Variants in ATG16L2 observed in about 807,000 individuals in gnomAD.
ATG16L2 encodes protein Atg16l2.
A neutral mutation model predicts 84.7 loss-of-function variants in ATG16L2; 77 were observed. The ratio of observed to expected loss-of-function variants is 0.91; its 90% CI spans 0.76 to 1.10. The LOEUF (loss-of-function observed/expected upper bound fraction) is 1.10. Among genes scored for constraint, ATG16L2 ranks in the 50% least tolerant of loss-of-function variants. The pLI, the probability that ATG16L2 is intolerant of heterozygous loss-of-function variation, is 0.00. For synonymous variants in ATG16L2, 361 were observed against 342.8 expected, an observed-to-expected ratio of 1.05 and a Z score of -0.59; for missense variants, 782 against 817.6, an observed-to-expected ratio of 0.96 and a Z score of 0.53.
rs1860348432 is a variant in ATG16L2, at chr11:72,826,298, G to A, written c.1173+55G>A. 4 of 1,568,812 alleles carry A rather than the reference G, an allele frequency of 2.5e-6. No individual in the cohort carries two copies. In the East Asian group the frequency reaches 6.8e-5, roughly 27 times the overall value. On this transcript the variant is annotated intron_variant, in intron 11 of 17. Coordinates refer to ENST00000321297, the MANE Select transcript of ATG16L2 (RefSeq NM_033388.2). ...TTGTGCCCTCTCTGATCTCCACACT[G>A]GGCAGGTGGGGGCTGTGGGACCTGA...
downstream of ATG16L2, among the ~76,000 whole-genome samples, chr11:72,832,025 A>G (rs1860617583): frequency 6.6e-6 from 1 of 152,120 alleles, no homozygotes; most frequent in South Asian, 2.1e-4. Context: ...CTCCCTCCCT[A>G]CATCTTCACC....
intron 5 of ATG16L2, chr11:72,842,491 A>G: frequency 9.3e-7 from 1 of 1,076,592 alleles, no homozygotes; most frequent in Non-Finnish European, 1.3e-6. Context: ...GCAGTTGTGC[A>G]GACACTGGCA....
At position 72,825,465 on chromosome 11, in the gene ATG16L2, C is replaced by T. The variant is rs1200227181; in HGVS notation, c.1102+58C>T. On this transcript the variant is annotated intron_variant, in intron 10 of 17. Coordinates refer to ENST00000321297, the MANE Select transcript of ATG16L2 (RefSeq NM_033388.2). ...GCTTCTCTCCAGACCCTCTCCTCAG[C>T]TCACTCCTTGGTGGGCAGAGGTCTT... 6 of 1,350,514 alleles carry T rather than the reference C, an allele frequency of 4.4e-6. No homozygotes were observed. The East Asian group carries it at 9.2e-5, about 21-fold the overall frequency. 83.7% of individuals were successfully genotyped at this position (1,350,514 alleles called of 1,614,324 possible). A position where few individuals can be genotyped will look rare whatever the true frequency, so the allele number is the denominator to read the frequency against.
downstream of ATG16L2, among the ~76,000 whole-genome samples, chr11:72,833,668 C>T (rs1049730354): frequency 2.6e-4 from 39 of 152,258 alleles, no homozygotes; most frequent in Middle Eastern, 6.8e-3. Flanking sequence ...TGCCTGTAAT[C>T]CCAGCACTTT....
intron 9 of ATG16L2, 114 bp downstream of exon 9, chr11:72,824,956 T>A: frequency 1.2e-6 from 1 of 847,722 alleles, no homozygotes; most frequent in Non-Finnish European, 1.8e-6. Flanking sequence ...GCTGGGCTCC[T>A]CAGCAGGAGC....
rs1455261886 is a variant in ATG16L2, at chr11:72,822,053, C to T, written c.402C>T (p.Ala134=). 1.3e-6 allele frequency: 2 copies of T among 1,508,422 alleles called. No individual in the cohort carries two copies. The highest frequency in any genetic ancestry group is 1.7e-6 in the Non-Finnish European group (2 of 1,145,012). 93.4% of individuals were successfully genotyped at this position (1,508,422 alleles called of 1,614,324 possible). A position where few individuals can be genotyped will look rare whatever the true frequency, so the allele number is the denominator to read the frequency against. The change falls in exon 5 of 18, where the codon GCC becomes GCT. Residue 134 remains alanine, a synonymous_variant. Coordinates refer to ENST00000321297, the MANE Select transcript of ATG16L2 (RefSeq NM_033388.2). The surrounding 1 kb of genome is among the most constrained non-coding windows in gnomAD (Gnocchi z 4.2). ...ELQQRQSRLA[A]LEARVAQLRE... is the part of the protein sequence containing the mutation. ...TCTTTCCGTCCTCCAGGCTGGCAGC[C>T]CTGGAGGCCCGCGTGGCGCAGCTGC...
chr11:72,826,361 C>CTCTT (rs1387017169), intron 11 of ATG16L2, 118 bp downstream of exon 11: 1 of 1,416,274 alleles, frequency 7.1e-7, no homozygotes, highest in African/African-American at 1.4e-5. Context: ...GGCCCCTGGG[C>CTCTT]TCTTACACAG....
chr11:72,826,447 A>G, intron 11 of ATG16L2, 71 bp from the exon 12 acceptor site: 1 of 1,580,558 alleles, frequency 6.3e-7, no homozygotes, highest in Non-Finnish European at 8.7e-7. Flanking sequence ...GGCAGCCCCT[A>G]GCCTCATTCT....
intron 3 of ATG16L2, chr11:72,821,153 T>G (rs536102643): frequency 4.2e-5 from 39 of 929,156 alleles, no homozygotes; most frequent in Admixed American, 3.1e-4. Flanking sequence ...TACGTGACTT[T>G]GGGCAAGACA....
At chr11:72,824,354 C>G (rs192980887) in intron 8 of ATG16L2, 2 of 594,460 alleles carry the variant, frequency 3.4e-6, no homozygotes, top group Admixed American at 5.9e-5. Context: ...AAGGTCGTCA[C>G]AGGGGACCAA....
chr11:72,825,048 G>A (rs1860259604), intron 9 of ATG16L2, among the ~76,000 whole-genome samples: 1 of 152,132 alleles, frequency 6.6e-6, no homozygotes, highest in South Asian at 2.1e-4. Context: ...GGAGAGAGAG[G>A]AGGCTGGGAG....
chr11:72,824,036 A>G (rs565219118), intron 7 of ATG16L2, 24 bp from the exon 8 acceptor site: 15 of 1,613,870 alleles, frequency 9.3e-6, no homozygotes, highest in African/African-American at 4.0e-5. Flanking sequence ...GTCCCTTAGC[A>G]TATCTCTCTT....
At chr11:72,837,809 C>G (rs1860778989) in intron 5 of ATG16L2, 1 of 152,340 alleles carries the variant, frequency 6.6e-6, no homozygotes, top group South Asian at 2.1e-4. Context: ...AGCAGTTGGT[C>G]TGGACCAGCC....
intron 5 of ATG16L2, among the ~76,000 whole-genome samples, chr11:72,835,498 C>T (rs900429790): frequency 2.0e-5 from 3 of 152,074 alleles, no homozygotes; most frequent in Non-Finnish European, 1.5e-5. Context: ...TATGGCCTTC[C>T]TGGAACCACA....
intron 3 of ATG16L2, chr11:72,819,079 T>C (rs1188468667): frequency 6.6e-6 from 1 of 152,162 alleles, no homozygotes; most frequent in African/African-American, 2.4e-5. Flanking sequence ...CCTATATCCT[T>C]AGGGCCTGTG....
chr11:72,814,897 G>T (rs11235601), intron 1 of ATG16L2, among the ~76,000 whole-genome samples: 48,154 of 152,086 alleles, frequency 0.32, 8,198 homozygotes, highest in Middle Eastern at 0.4. Context: ...AGTCCCCGGG[G>T]TAGGGGCTTG....
chr11:72,829,009 C>T (rs967002403), intron 17 of ATG16L2, 25 bp downstream of exon 17: 1 of 1,605,758 alleles, frequency 6.2e-7, no homozygotes, highest in African/African-American at 1.3e-5. Context: ...CACCTGGCCA[C>T]CTGCCTGGCC....
At chr11:72,824,915 AG>A (rs1860252416) in intron 9 of ATG16L2, 73 bp downstream of exon 9, 1 of 1,324,594 alleles carries the variant, frequency 7.5e-7, no homozygotes, top group Admixed American at 2.6e-5. Context: ...TCTCGGCACC[AG>A]GGGTGGTCCC....
intron 5 of ATG16L2, among the ~76,000 whole-genome samples, chr11:72,840,362 TG>T (rs1860879813): frequency 6.6e-6 from 1 of 152,214 alleles, no homozygotes; most frequent in African/African-American, 2.4e-5. Context: ...AGTATCCGAC[TG>T]GATTACCGTG....
Sources: allele counts gnomAD v4.1 joint callset (sites outside exome capture counted in the v4.1 genomes callset), GRCh38; gene constraint gnomAD v4.1.1; non-coding constraint Gnocchi (gnomAD v3.1); transcripts MANE v1.5; gene names NCBI Gene and HGNC (gene_info 2026-07-23, HGNC 2026-07-21).